Variants in COL20A1 observed in about 807,000 individuals in gnomAD.
The protein encoded by COL20A1 is collagen type XX alpha 1 chain.
In COL20A1, 164 loss-of-function variants were observed where a neutral mutation model predicts 152.9. That is an observed-to-expected ratio of 1.07 (90% CI 0.94 to 1.22). The LOEUF (loss-of-function observed/expected upper bound fraction) is 1.22, where lower values mean the gene tolerates loss of function less well. COL20A1 is among the 50% of genes most tolerant of loss of function. COL20A1 has a pLI of 0.00. For missense variants in COL20A1, 1,873 were observed against 1,744.8 expected (o/e 1.07, Z -1.31); for synonymous variants, 864 against 756.0 (o/e 1.14, Z -2.34).
At chr20:63,318,161 G>A (rs1402339593) in intron 21 of COL20A1, among the ~76,000 whole-genome samples, 1 of 152,154 alleles carries the variant, frequency 6.6e-6, no homozygotes. Flanking sequence ...CCTGAGAAGT[G>A]GGGGCAGATG....
In COL20A1 at chr20:63,308,029, C is replaced by T; in HGVS notation, c.714C>T (p.Thr238=). 6.2e-7 allele frequency: 1 copy of T among 1,612,602 alleles called. No homozygotes were observed. The highest frequency in any genetic ancestry group is 1.1e-5 in the South Asian group (1 of 91,082). ...AGTGGGACCTGAACTCCCTCAGCAC[C>T]AAGGAACAGGTGCTGGCAGCTGTGC... is the stretch of plus-strand genomic sequence containing the variant. The part of the protein sequence containing the change: ...QTEWDLNSLS[T]KEQVLAAVRR... The change falls in exon 7 of 36, where the codon ACC becomes ACT. Residue 238 remains threonine (T), a synonymous_variant. Coordinates refer to ENST00000358894, the MANE Select transcript of COL20A1 (RefSeq NM_020882.4).
intron 25 of COL20A1, 46 bp from the exon 26 acceptor site, chr20:63,320,967 G>A (rs879796184): frequency 7.0e-7 from 1 of 1,426,362 alleles, no homozygotes; most frequent in Admixed American, 2.0e-5. Context: ...TCAGGCAAGA[G>A]CCAGGGAGAG....
rs1277624405 is a variant in COL20A1, at chr20:63,328,575, G to T, written c.3781+77G>T. 2.2e-6 allele frequency: 3 copies of T among 1,369,472 alleles called. No individual in the cohort carries two copies. In the African/African-American group the frequency reaches 4.3e-5, roughly 20 times the overall value. The allele number at this position is 1,369,472 out of a possible 1,614,324, so 84.8% of individuals were successfully genotyped here. Reference sequence around the variant, plus strand: ...GTTGTCCCCTGGTCCTGGGGCTGGGGCTTCAATCTGTGTCAGCACAGCAGC... The same window carrying T: ...GTTGTCCCCTGGTCCTGGGGCTGGGTCTTCAATCTGTGTCAGCACAGCAGC... On this transcript the variant is annotated intron_variant, in intron 34 of 35. Coordinates refer to ENST00000358894, the MANE Select transcript of COL20A1 (RefSeq NM_020882.4).
Position 63,313,152 on chromosome 20 carries a change from G to A in COL20A1, c.2112G>A (p.Leu704=). 3 of 1,611,974 alleles carry A rather than the reference G, an allele frequency of 1.9e-6. No individual in the cohort carries two copies. Among genetic ancestry groups the A allele is most frequent in the Non-Finnish European group, 2.5e-6 (3 of 1,179,570 alleles). ...CAGGGAACCTCGGCACGGCCGTCCT[G>A]CCTGGCCTAGGGAGGCACACAGAGT... ...SVPGNLGTAV[L]PGLGRHTEYD... is the part of the protein sequence containing the mutation. Residue 704 remains leucine (L), a synonymous_variant, in exon 17 of 36, where the codon CTG becomes CTA. Transcript: ENST00000358894. This position sits in a 1 kb window ranked among gnomAD's most constrained non-coding sequence, Gnocchi z 5.9.
In COL20A1 at chr20:63,307,771, C is replaced by T. The variant is rs570530084; in HGVS notation, c.655+123C>T. The T allele has an allele frequency of 3.7e-3, 4,541 of 1,238,340 alleles. 14 individuals are homozygous for T. Among genetic ancestry groups the T allele is most frequent in the Non-Finnish European group, 4.1e-3 (3,691 of 894,842 alleles). 76.7% of individuals were successfully genotyped at this position (1,238,340 alleles called of 1,614,324 possible). On this transcript the variant is annotated intron_variant, in intron 6 of 35. Coordinates refer to ENST00000358894, the MANE Select transcript of COL20A1 (RefSeq NM_020882.4). ...AGGGCTCTCACCTTGTGGGGTGGGA[C>T]GCCTGCTCCACATGGGGTGTTCTGG...
chr20:63,308,579 G>A lies in COL20A1; in HGVS notation c.813G>A (p.Gln271=). 1 of 1,605,220 alleles carries A rather than the reference G, an allele frequency of 6.2e-7. No homozygotes were observed. The highest frequency in any genetic ancestry group is 8.5e-7 in the Non-Finnish European group (1 of 1,176,604). The change falls in exon 8 of 36, where the codon CAG becomes CAA. Residue 271 remains glutamine, a synonymous_variant. Coordinates refer to ENST00000358894, the MANE Select transcript of COL20A1 (RefSeq NM_020882.4). ...ALTHVLGQNL[Q]PAAGLRPEAA... ...CCCACGTGCTGGGGCAGAACCTGCA[G>A]CCGGCGGCTGGCCTCCGTCCAGAGG...
Position 63,312,466 on chromosome 20 carries a change from C to T in COL20A1, c.1850C>T (p.Ser617Phe). Residue 617 changes from serine to phenylalanine, a missense_variant, in exon 15 of 36, where the codon TCT (serine) becomes TTT (phenylalanine). Transcript: ENST00000358894. The stretch of plus-strand genomic sequence containing the variant: ...ACCTCGGCCACGCTGGGGCCTCTCT[C>T]TTCCTCCACCACCTACACTGTCCGT... ...NATSATLGPLSSSTTYTVRVT... is the reference protein window; with the variant it reads ...NATSATLGPLFSSTTYTVRVT... The T allele has an allele frequency of 1.2e-6, 2 of 1,608,480 alleles. No individual in the cohort carries two copies. The highest frequency in any genetic ancestry group is 1.3e-5 in the African/African-American group (1 of 74,930).
chr20:63,294,963 A>T, intron 1 of COL20A1, 135 bp from the exon 2 acceptor site: 1 of 611,856 alleles, frequency 1.6e-6, no homozygotes, highest in Non-Finnish European at 2.9e-6. Flanking sequence ...TCTGGTCCTC[A>T]CACATGTGAG....
At position 63,305,407 on chromosome 20, in the gene COL20A1, C is replaced by A; in HGVS notation, c.194-10C>A. 6.6e-7 allele frequency: 1 copy of A among 1,504,622 alleles called. No individual in the cohort carries two copies. Among genetic ancestry groups the A allele is most frequent in the Non-Finnish European group, 8.8e-7 (1 of 1,130,446 alleles). The allele number at this position is 1,504,622 out of a possible 1,614,324, so 93.2% of individuals were successfully genotyped here. A position where few individuals can be genotyped will look rare whatever the true frequency, so the allele number is the denominator to read the frequency against. On this transcript the variant is annotated splice_polypyrimidine_tract_variant and intron_variant, in intron 3 of 35. Coordinates refer to ENST00000358894, the MANE Select transcript of COL20A1 (RefSeq NM_020882.4). The surrounding 1 kb of genome is among the most constrained non-coding windows in gnomAD (Gnocchi z 4.9). ...CCTTGGCCTCTAAAGCTCTCCCCAC[C>A]CCTACCCAGGGGACTCGGAACAGGA...
chr20:63,322,279 T>G (rs752363714), intron 27 of COL20A1, among the ~76,000 whole-genome samples, 168 bp downstream of exon 27: 2 of 151,588 alleles, frequency 1.3e-5, no homozygotes, highest in Non-Finnish European at 2.9e-5. Context: ...ACCCCAGGAG[T>G]CCAGGGGGTT....
Position 63,305,581 on chromosome 20 carries a change from C to G in COL20A1, c.337+21C>G, listed in dbSNP as rs1303474898. 6.3e-7 allele frequency: 1 copy of G among 1,575,062 alleles called. No individual in the cohort carries two copies. Among genetic ancestry groups the G allele is most frequent in the South Asian group, 1.2e-5 (1 of 84,262 alleles). ...TGTGAGTAAGTCCACCGTCTGCCAG[C>G]TGGGTACCCACTCCTCCAGGCCGGG... On this transcript the variant is annotated intron_variant, in intron 4 of 35. Coordinates refer to ENST00000358894, the MANE Select transcript of COL20A1 (RefSeq NM_020882.4). This position sits in a 1 kb window ranked among gnomAD's most constrained non-coding sequence, Gnocchi z 4.9.
At chr20:63,315,333 TC>T in intron 19 of COL20A1, 70 bp from the exon 20 acceptor site, 2 of 1,439,856 alleles carry the variant, frequency 1.4e-6, no homozygotes, top group Non-Finnish European at 9.5e-7. Flanking sequence ...AAGTGGCCCC[TC>T]CCCAGCGGTC....
intron 2 of COL20A1, 141 bp downstream of exon 2, chr20:63,295,330 A>G (rs1341923646): frequency 3.2e-6 from 2 of 620,840 alleles, no homozygotes; most frequent in Middle Eastern, 4.3e-4. Context: ...AGCTCCCACA[A>G]CAAAGGCAAG....
At chr20:63,297,599 C>T (rs1375459613) in intron 2 of COL20A1, among the ~76,000 whole-genome samples, 1 of 152,204 alleles carries the variant, frequency 6.6e-6, no homozygotes, top group South Asian at 2.1e-4. Flanking sequence ...GGTGGGAGGA[C>T]CCCCGGAGAG....
At chr20:63,322,947 C>T (rs1445097992) in intron 27 of COL20A1, among the ~76,000 whole-genome samples, 3 of 152,246 alleles carry the variant, frequency 2.0e-5, no homozygotes, top group African/African-American at 7.2e-5. Context: ...GGCACAGAGT[C>T]CCTAGGACAG....
chr20:63,320,218 C>T (rs1290192107), intron 24 of COL20A1, 21 bp downstream of exon 24: 30 of 1,599,826 alleles, frequency 1.9e-5, no homozygotes, highest in Non-Finnish European at 2.5e-5. Context: ...CCCTGCCCAC[C>T]TGCTGGGCCA....
chr20:63,320,265 G>A (rs2068143636), intron 24 of COL20A1, 26 bp from the exon 25 acceptor site: 2 of 1,607,160 alleles, frequency 1.2e-6, no homozygotes, highest in African/African-American at 2.7e-5. Context: ...GAGCCCCGGG[G>A]CTGAGCCGGC....
In COL20A1 at chr20:63,305,969, G is replaced by A. The variant is rs895217261; in HGVS notation, c.426G>A (p.Gly142=). 6 of 1,612,638 alleles carry A rather than the reference G, an allele frequency of 3.7e-6. No individual in the cohort carries two copies. Among genetic ancestry groups the A allele is most frequent in the Non-Finnish European group, 5.1e-6 (6 of 1,179,828 alleles). ...GAPEPTPSHT[G]SPDPEQASEP... ...CGGAGCCCACCCCCTCCCACACGGG[G>A]AGCCCAGACCCTGAGCAGGCTTCTG... The change falls in exon 5 of 36, where the codon GGG becomes GGA. Residue 142 remains glycine (G), a synonymous_variant. Transcript: ENST00000358894. This position sits in a 1 kb window ranked among gnomAD's most constrained non-coding sequence, Gnocchi z 4.9.
intron 2 of COL20A1, among the ~76,000 whole-genome samples, chr20:63,295,447 G>C (rs1013228103): frequency 6.6e-6 from 1 of 152,226 alleles, no homozygotes; most frequent in Non-Finnish European, 1.5e-5. Context: ...GTTATTCCAC[G>C]AACACCTTTC....
Sources: allele counts gnomAD v4.1 joint callset (sites outside exome capture counted in the v4.1 genomes callset), GRCh38; gene constraint gnomAD v4.1.1; non-coding constraint Gnocchi (gnomAD v3.1); transcripts MANE v1.5; gene names NCBI Gene and HGNC (gene_info 2026-07-23, HGNC 2026-07-21).